Variants in SLC25A48 observed in about 807,000 individuals in gnomAD.
SLC25A48 encodes CTC-321K16.1.
SLC25A48 carries 29 observed loss-of-function variants against 32.2 expected under a neutral mutation model. That is an observed-to-expected ratio of 0.90 (90% CI 0.67 to 1.23). The LOEUF (loss-of-function observed/expected upper bound fraction) is 1.23. Among genes scored for constraint, SLC25A48 ranks in the 50% most tolerant of loss-of-function variants. The pLI, the probability that SLC25A48 is intolerant of heterozygous loss-of-function variation, is 0.00. For missense variants in SLC25A48, 399 were observed against 422.7 expected (o/e 0.94, Z 0.49); for synonymous variants, 164 against 172.3 (o/e 0.95, Z 0.38).
intron 3 of SLC25A48, among the ~76,000 whole-genome samples, chr5:135,769,393 CAG>C (rs964066419): frequency 6.7e-6 from 1 of 149,030 alleles, no homozygotes; most frequent in South Asian, 2.1e-4. Context: ...GAACACCACT[CAG>C]TGATTTTGTT....
chr5:135,664,179 T>C (rs1753469647), intron 3 of SLC25A48, among the ~76,000 whole-genome samples: 1 of 152,218 alleles, frequency 6.6e-6, no homozygotes, highest in Admixed American at 6.5e-5. Context: ...GCCACTTAGA[T>C]AGGAACCCAT....
intron 4 of SLC25A48, among the ~76,000 whole-genome samples, chr5:135,860,503 G>T (rs371238916): frequency 6.6e-6 from 1 of 152,306 alleles, no homozygotes; most frequent in East Asian, 1.9e-4. Flanking sequence ...TCGGACTGTT[G>T]CCCTGTGGCC....
chr5:135,803,758 G>C (rs186331632), intron 3 of SLC25A48, among the ~76,000 whole-genome samples: 72 of 151,532 alleles, frequency 4.8e-4, no homozygotes, highest in African/African-American at 1.7e-3. Flanking sequence ...ATATCGCCCT[G>C]TGTGTATACC....
rs1334956149 is a variant in SLC25A48, at chr5:135,780,322, G to A, written c.-520-32201G>A. Among the ~76,000 whole-genome samples the A allele has an allele frequency of 6.9e-5, 8 of 115,824 alleles. 1 individual carries two copies. Among genetic ancestry groups the A allele is most frequent in the South Asian group, 3.1e-4 (1 of 3,204 alleles). 76.0% of individuals were successfully genotyped at this position (115,824 alleles called of 152,430 possible). The stretch of plus-strand genomic sequence containing the variant: ...AGGATGGTCTTGATCTCCTAACCTC[G>A]TGATCCGCCCGCCTCGGCCTCCCAA... On this transcript the variant is annotated intron_variant, in intron 3 of 10. Coordinates refer to the SLC25A48 transcript ENST00000646290.
At chr5:135,687,946 C>T (rs1243327869) in intron 3 of SLC25A48, among the ~76,000 whole-genome samples, 1 of 114,344 alleles carries the variant, frequency 8.7e-6, no homozygotes, top group Non-Finnish European at 1.9e-5. Flanking sequence ...TTTAAGTGTA[C>T]AGCTCAGTGG....
intron 3 of SLC25A48, among the ~76,000 whole-genome samples, chr5:135,798,218 A>T (rs142054318): frequency 1.1e-3 from 163 of 151,804 alleles, no homozygotes; most frequent in African/African-American, 3.8e-3. Context: ...GGAGAAGATA[A>T]CATTATTCCT....
At chr5:135,682,014 C>T (rs188439550) in intron 3 of SLC25A48, among the ~76,000 whole-genome samples, 1 of 152,316 alleles carries the variant, frequency 6.6e-6, no homozygotes, top group East Asian at 1.9e-4. Context: ...CAGCTAAAGA[C>T]TTGAGAGTCT....
intron 4 of SLC25A48, among the ~76,000 whole-genome samples, chr5:135,868,930 T>C (rs915192647): frequency 6.6e-6 from 1 of 152,070 alleles, no homozygotes; most frequent in African/African-American, 2.4e-5. Context: ...TACCTGGAAA[T>C]GAATGGGGCT....
At chr5:135,714,336 C>T (rs1184492811) in intron 3 of SLC25A48, among the ~76,000 whole-genome samples, 1 of 152,226 alleles carries the variant, frequency 6.6e-6, no homozygotes, top group Non-Finnish European at 1.5e-5. Context: ...CAAATTCCTC[C>T]AGCCCCAGCC....
chr5:135,804,698 T>G (rs74409528), intron 3 of SLC25A48, among the ~76,000 whole-genome samples: 3,415 of 151,698 alleles, frequency 0.023, 55 homozygotes, highest in Non-Finnish European at 0.031. Flanking sequence ...GTGTACAGTC[T>G]GTGATATTAT....
intron 1 of SLC25A48, among the ~76,000 whole-genome samples, chr5:135,590,787 C>T (rs1258533505): frequency 6.6e-6 from 1 of 152,230 alleles, no homozygotes; most frequent in African/African-American, 2.4e-5. Context: ...GAGATCCAGA[C>T]ACGCCATGGC....
At chr5:135,744,544 C>A (rs1755591937) in intron 3 of SLC25A48, among the ~76,000 whole-genome samples, 1 of 151,552 alleles carries the variant, frequency 6.6e-6, no homozygotes, top group East Asian at 2.0e-4. Flanking sequence ...ACCATGTTGG[C>A]CAGGCTGGTC....
intron 3 of SLC25A48, among the ~76,000 whole-genome samples, chr5:135,805,089 A>G (rs1757430937): frequency 6.6e-6 from 1 of 151,328 alleles, no homozygotes; most frequent in African/African-American, 2.4e-5. Context: ...CAGCCTGTGA[A>G]ATAATTCATA....
In SLC25A48 at chr5:135,871,614, A is replaced by G. The variant is rs747797136; in HGVS notation, c.575A>G (p.Tyr192Cys). 2 of 1,614,118 alleles carry G rather than the reference A, an allele frequency of 1.2e-6. No homozygotes were observed. Among genetic ancestry groups the G allele is most frequent in the South Asian group, 1.1e-5 (1 of 91,082 alleles). ...SAMLLRDVPG[Y>C]CLYFIPYVFL... The stretch of plus-strand genomic sequence containing the variant: ...ATGCTGCTGAGGGATGTCCCAGGCT[A>G]TTGCCTCTACTTCATCCCCTACGTG... Residue 192 changes from tyrosine to cysteine, a missense_variant, in exon 5 of 8, where the codon TAT becomes TGT. Physicochemically the swap from Tyr to Cys is radical, Grantham distance 194 (BLOSUM62 -2). Transcript: ENST00000681962.
intron 3 of SLC25A48, among the ~76,000 whole-genome samples, chr5:135,669,111 A>G (rs1302102015): frequency 6.6e-6 from 1 of 152,196 alleles, no homozygotes; most frequent in Non-Finnish European, 1.5e-5. Flanking sequence ...TGTGATGTCA[A>G]TGCACTTGTC....
At chr5:135,794,210 C>A (rs1196194781) in intron 3 of SLC25A48, among the ~76,000 whole-genome samples, 3 of 151,586 alleles carry the variant, frequency 2.0e-5, no homozygotes, top group Non-Finnish European at 2.9e-5. Flanking sequence ...GTGGTGTACA[C>A]CCCTTCTGTG....
chr5:135,651,366 C>T (rs1248351130), intron 3 of SLC25A48, among the ~76,000 whole-genome samples: 1 of 152,174 alleles, frequency 6.6e-6, no homozygotes, highest in African/African-American at 2.4e-5. Context: ...GAGTGGTTTC[C>T]CCCAGGACTC....
At chr5:135,768,915 A>G (rs1458589964) in intron 3 of SLC25A48, among the ~76,000 whole-genome samples, 1 of 151,880 alleles carries the variant, frequency 6.6e-6, no homozygotes, top group Admixed American at 6.6e-5. Flanking sequence ...ATTACTCGCA[A>G]TATCGCAGGG....
chr5:135,622,970 G>C (rs1338828438), intron 1 of SLC25A48, among the ~76,000 whole-genome samples: 1 of 152,170 alleles, frequency 6.6e-6, no homozygotes, highest in Non-Finnish European at 1.5e-5. Flanking sequence ...CTGAATATGC[G>C]GGGGCTTGGA....
Sources: allele counts gnomAD v4.1 joint callset (sites outside exome capture counted in the v4.1 genomes callset), GRCh38; gene constraint gnomAD v4.1.1; transcripts MANE v1.5; gene names NCBI Gene and HGNC (gene_info 2026-07-23, HGNC 2026-07-21).